SNRPN: variants seen among roughly 807,000 people sequenced by gnomAD.
The protein encoded by SNRPN is small nuclear ribonucleoprotein polypeptide N, also known as small nuclear ribonucleoprotein-associated protein N.
Under a neutral mutation model 25.2 loss-of-function variants are expected in SNRPN, and 7 were observed. The observed-to-expected ratio is 0.28, with a 90% CI of 0.16 to 0.52. SNRPN has a LOEUF of 0.52. Ranked by LOEUF, SNRPN falls within the 20% of genes least tolerant of loss-of-function variation. The pLI, the probability that SNRPN is intolerant of heterozygous loss-of-function variation, is 0.96. For synonymous variants in SNRPN, 124 were observed against 110.6 expected, an observed-to-expected ratio of 1.12 and a Z score of -0.76; for missense variants, 196 against 322.5, an observed-to-expected ratio of 0.61 and a Z score of 3.00.
intron 3 of SNRPN, among the ~76,000 whole-genome samples, chr15:24,933,238 C>T (rs143147946): frequency 2.4e-4 from 37 of 151,710 alleles, no homozygotes; most frequent in Middle Eastern, 3.4e-3. Flanking sequence ...CTAGCCTGGG[C>T]GACAGAATGA....
Position 24,977,892 on chromosome 15 carries a change from G to A in SNRPN, c.535G>A (p.Val179Ile). Reference sequence around the variant, plus strand: ...AGGACGGGGCACTCCGCCCCCACCCGTCGGCAGAGCAACCCCACCTCCAGG... The same window carrying A: ...AGGACGGGGCACTCCGCCCCCACCCATCGGCAGAGCAACCCCACCTCCAGG... ...PPGRGTPPPP[V>I]GRATPPPGIM... The change falls in exon 8 of 10, where the codon GTC (valine) becomes ATC (isoleucine). Residue 179 changes from valine (V) to isoleucine (I), a missense_variant. Coordinates refer to ENST00000390687, the MANE Select transcript of SNRPN (RefSeq NM_003097.6). 2 of 1,578,820 alleles carry A rather than the reference G, an allele frequency of 1.3e-6. No individual in the cohort carries two copies. The highest frequency in any genetic ancestry group is 1.7e-6 in the Non-Finnish European group (2 of 1,163,562).
chr15:24,896,310 C>A (rs1394476354), intron 2 of SNRPN, among the ~76,000 whole-genome samples: 2 of 152,212 alleles, frequency 1.3e-5, no homozygotes, highest in African/African-American at 4.8e-5. Context: ...GAAGAACCTG[C>A]CAATAGCATG....
intron 2 of SNRPN, among the ~76,000 whole-genome samples, chr15:24,848,170 A>C (rs2052375203): frequency 7.1e-6 from 1 of 140,768 alleles, no homozygotes; most frequent in Non-Finnish European, 1.6e-5. Flanking sequence ...CGGTGCGGCC[A>C]ACCAGCTCGT....
chr15:24,889,553 C>A (rs1389600128), intron 2 of SNRPN, among the ~76,000 whole-genome samples: 1 of 151,790 alleles, frequency 6.6e-6, no homozygotes, highest in East Asian at 2.0e-4. Context: ...GATTCACCCG[C>A]CTCGGCCTCC....
At chr15:24,853,117 C>T (rs929300502), upstream of SNRPN, among the ~76,000 whole-genome samples, 1 of 152,128 alleles carries the variant, frequency 6.6e-6, no homozygotes, top group Admixed American at 6.6e-5. Flanking sequence ...AAAGAGTTTA[C>T]ATATACCACA....
rs774436737 is a variant in SNRPN, at chr15:24,964,112, C to G, written c.-295+1903C>G. ...GGTAAAGATTTTTTTTTTATTTTTT[C>G]CTATTTATTTTGCCGATTTTTACTA... On this transcript the variant is annotated intron_variant, in intron 2 of 9. Transcript: ENST00000390687. 1.4e-4 allele frequency among the ~76,000 whole-genome samples: 21 copies of G among 150,044 alleles called. No individual in the cohort carries two copies. In the Middle Eastern group the frequency reaches 0.01, roughly 73 times the overall value.
At chr15:24,925,439 A>G (rs1322244255) in intron 3 of SNRPN, among the ~76,000 whole-genome samples, 1 of 151,906 alleles carries the variant, frequency 6.6e-6, no homozygotes, top group Non-Finnish European at 1.5e-5. Context: ...GCAAGACCCC[A>G]TCTCTACAAA....
intron 3 of SNRPN, among the ~76,000 whole-genome samples, chr15:24,934,534 A>C (rs2061099405): frequency 6.6e-6 from 1 of 152,102 alleles, no homozygotes; most frequent in Admixed American, 6.5e-5. Context: ...TCTACAGAAA[A>C]AGGCTGCTGA....
Position 24,978,698 on chromosome 15 carries a change from G to A in SNRPN, c.*254G>A, listed in dbSNP as rs2077331777. 5.7e-6 allele frequency: 3 copies of A among 522,966 alleles called. No homozygotes were observed. Among genetic ancestry groups the A allele is most frequent in the African/African-American group, 3.9e-5 (2 of 51,794 alleles). The allele number at this position is 522,966 out of a possible 1,614,324, so 32.4% of individuals were successfully genotyped here. ...CAAATCATATTCTCTTTAATTCTTA[G>A]GATAAAAAGGTTTTCTGCTATCTAA... On this transcript the variant is annotated 3_prime_UTR_variant, in exon 10 of 10. Transcript: ENST00000390687.
intron 2 of SNRPN, among the ~76,000 whole-genome samples, chr15:24,887,882 G>T (rs2057337280): frequency 1.3e-5 from 2 of 152,064 alleles, no homozygotes; most frequent in East Asian, 3.9e-4. Context: ...GAGTCAGGCA[G>T]AGAGGACCCC....
At chr15:24,862,210 C>G (rs1321800053) in intron 1 of SNRPN, among the ~76,000 whole-genome samples, 1 of 151,110 alleles carries the variant, frequency 6.6e-6, no homozygotes, top group Non-Finnish European at 1.5e-5. Flanking sequence ...AAATATTTAT[C>G]AAGGGAACCA....
At chr15:24,855,450 A>G (rs1177782017), upstream of SNRPN, among the ~76,000 whole-genome samples, 3 of 152,110 alleles carry the variant, frequency 2.0e-5, no homozygotes, top group South Asian at 4.1e-4. Context: ...GTGTTTTAGA[A>G]TATCTTTTTT....
intron 2 of SNRPN, among the ~76,000 whole-genome samples, chr15:24,963,822 C>T (rs1280390988): frequency 6.6e-6 from 1 of 151,682 alleles, no homozygotes; most frequent in East Asian, 1.9e-4. Context: ...ATCACTTGAG[C>T]CCAGGAGGTG....
At chr15:24,948,730 A>G (rs2062035484) in intron 3 of SNRPN, among the ~76,000 whole-genome samples, 1 of 152,026 alleles carries the variant, frequency 6.6e-6, no homozygotes, top group Admixed American at 6.6e-5. Flanking sequence ...TGTTTGTAGA[A>G]TGTCCCTCAA....
At chr15:24,939,840 A>G (rs1055783430) in intron 3 of SNRPN, among the ~76,000 whole-genome samples, 7 of 138,642 alleles carry the variant, frequency 5.0e-5, no homozygotes, top group African/African-American at 1.9e-4. Context: ...CTCAGGCTGG[A>G]GTACAATGGT....
rs756725184 is a variant in SNRPN at position 24,955,018 on chromosome 15, C to CG, written c.-434dup. ...TGGAGCGGCCGCCGGAGATGCCTGA[C>CG]GCATCTGTCTGAGGAGCGGTCAGTG... On this transcript the variant is annotated 5_prime_UTR_variant, in exon 1 of 10. An upstream open reading frame in the 5' UTR loses its in-frame stop. Transcript: ENST00000390687. The CG allele has an allele frequency of 1.1e-3, 1,748 of 1,612,454 alleles. 1 individual carries two copies. Among genetic ancestry groups the CG allele is most frequent in the Non-Finnish European group, 1.3e-3 (1,487 of 1,179,868 alleles).
chr15:24,885,610 C>A (rs1477323207), intron 1 of SNRPN, among the ~76,000 whole-genome samples: 1 of 152,098 alleles, frequency 6.6e-6, no homozygotes, highest in African/African-American at 2.4e-5. Context: ...CACATCTCTG[C>A]AACATTGTAT....
intron 2 of SNRPN, among the ~76,000 whole-genome samples, chr15:24,890,647 C>T (rs575907216): frequency 5.9e-5 from 9 of 152,250 alleles, no homozygotes; most frequent in African/African-American, 2.2e-4. Context: ...CCATTGCACT[C>T]CAGCCTGGGC....
At chr15:24,963,438 A>G (rs1466188272) in intron 2 of SNRPN, among the ~76,000 whole-genome samples, 1 of 151,628 alleles carries the variant, frequency 6.6e-6, no homozygotes. Context: ...AACATGGTGA[A>G]ACCCCGTCTC....
Sources: allele counts gnomAD v4.1 joint callset (sites outside exome capture counted in the v4.1 genomes callset), GRCh38; gene constraint gnomAD v4.1.1; transcripts MANE v1.5; gene names NCBI Gene and HGNC (gene_info 2026-07-23, HGNC 2026-07-21).